Variants in KHDC1 observed in about 807,000 individuals in gnomAD.
The protein encoded by KHDC1 is KH homology domain-containing protein 1.
In KHDC1, 21 loss-of-function variants were observed where a neutral mutation model predicts 24.7. The ratio of observed to expected loss-of-function variants is 0.85; its 90% CI spans 0.60 to 1.23. The LOEUF (loss-of-function observed/expected upper bound fraction) is 1.23, where lower values mean the gene tolerates loss of function less well. KHDC1 is among the 50% of genes most tolerant of loss of function. The probability of loss-of-function intolerance (pLI) is 0.00; values close to 1 mark genes in which losing one functional copy is unlikely to be tolerated. For synonymous variants in KHDC1, 98 were observed against 111.7 expected, an observed-to-expected ratio of 0.88 and a Z score of 0.77; for missense variants, 274 against 298.5, an observed-to-expected ratio of 0.92 and a Z score of 0.61.
At chr6:73,283,345 G>A (rs537515403) in intron 2 of KHDC1, among the ~76,000 whole-genome samples, 17 of 146,718 alleles carry the variant, frequency 1.2e-4, no homozygotes, top group African/African-American at 4.0e-4. Flanking sequence ...TTTTTAAAAA[G>A]AAGCAGCTTG....
At chr6:73,308,910 C>T in intron 1 of KHDC1, among the ~76,000 whole-genome samples, 1 of 152,208 alleles carries the variant, frequency 6.6e-6, no homozygotes, top group East Asian at 1.9e-4. Context: ...CGGCTCACTC[C>T]AACCTCCTTC....
rs573804234 is a variant in KHDC1, at chr6:73,297,570, A to G, written c.164-5530T>C. Among the ~76,000 whole-genome samples the G allele has an allele frequency of 7.9e-5, 12 of 152,270 alleles. No individual in the cohort carries two copies. The East Asian group carries it at 1.7e-3, about 22-fold the overall frequency. On this transcript the variant is annotated intron_variant, in intron 1 of 4. Coordinates refer to ENST00000370384, the Ensembl canonical transcript of KHDC1. ...AGGGGTGTGTACCTTTCCAATTGAT[A>G]AGGTATTGCCAAATGTCTTCCCATT...
At chr6:73,258,763 T>TA (rs1303209476) in intron 2 of KHDC1, among the ~76,000 whole-genome samples, 1 of 152,248 alleles carries the variant, frequency 6.6e-6, no homozygotes, top group African/African-American at 2.4e-5. Flanking sequence ...TCCCTACCTG[T>TA]AAAATGGTAT....
chr6:73,300,907 T>A (rs947766007), intron 1 of KHDC1: 1 of 152,228 alleles, frequency 6.6e-6, no homozygotes, highest in African/African-American at 2.4e-5. Context: ...TCAAACAAAA[T>A]CTTGAGAAGA....
At chr6:73,246,659 CAA>C (rs1220794275) in intron 2 of KHDC1, among the ~76,000 whole-genome samples, 2 of 152,128 alleles carry the variant, frequency 1.3e-5, no homozygotes, top group African/African-American at 4.8e-5. Context: ...ATAAAATAAA[CAA>C]GAAGATTTTT....
At chr6:73,304,178 C>CAA (rs914350705) in intron 1 of KHDC1, among the ~76,000 whole-genome samples, 1 of 140,840 alleles carries the variant, frequency 7.1e-6, no homozygotes, top group African/African-American at 2.6e-5. Flanking sequence ...GACTCCATCT[C>CAA]AAAAAAAAAA....
At chr6:73,241,506 T>G in exon 5 of KHDC1, 1 of 1,609,318 alleles carries the variant, frequency 6.2e-7, no homozygotes, top group Non-Finnish European at 8.5e-7. Flanking sequence ...CATCCCCACT[T>G]CCCAGGGGAG....
chr6:73,245,624 T>C (rs2150551471), intron 2 of KHDC1, among the ~76,000 whole-genome samples: 2 of 152,310 alleles, frequency 1.3e-5, no homozygotes, highest in East Asian at 3.9e-4. Flanking sequence ...CGTTCTCAAA[T>C]TTAGTGTTAG....
intron 2 of KHDC1, among the ~76,000 whole-genome samples, chr6:73,244,704 G>GA (rs1457318391): frequency 7.2e-6 from 1 of 138,020 alleles, no homozygotes; most frequent in Non-Finnish European, 1.6e-5. Flanking sequence ...CGGGGGGGCG[G>GA]GGGGGGGCTC....
chr6:73,290,666 T>C (rs903981763), intron 2 of KHDC1: 16 of 472,620 alleles, frequency 3.4e-5, no homozygotes, highest in African/African-American at 3.0e-4. Context: ...TAGTGGGCTG[T>C]GCTGAAGTTT....
intron 1 of KHDC1, among the ~76,000 whole-genome samples, chr6:73,294,878 G>A (rs141858177): frequency 6.6e-6 from 1 of 152,246 alleles, no homozygotes; most frequent in Non-Finnish European, 1.5e-5. Flanking sequence ...TTAAAAGCAT[G>A]TGGCATGGCT....
At chr6:73,272,550 C>CATAT (rs1047671380) in intron 2 of KHDC1, among the ~76,000 whole-genome samples, 1 of 151,944 alleles carries the variant, frequency 6.6e-6, no homozygotes, top group African/African-American at 2.4e-5. Flanking sequence ...CTGAGGTGGG[C>CATAT]ATATCACTTC....
chr6:73,277,966 T>C (rs1227664311), intron 2 of KHDC1, among the ~76,000 whole-genome samples: 2 of 151,368 alleles, frequency 1.3e-5, no homozygotes, highest in Non-Finnish European at 2.9e-5. Flanking sequence ...TGTCAAACAT[T>C]TGTGTTTCTT....
intron 2 of KHDC1, chr6:73,263,154 C>A: frequency 1.0e-6 from 1 of 987,662 alleles, no homozygotes; most frequent in East Asian, 1.1e-4. Flanking sequence ...TCCAGGGGTC[C>A]CGGCTCGCGC....
At chr6:73,254,660 T>C (rs1272796233) in intron 2 of KHDC1, among the ~76,000 whole-genome samples, 2 of 151,876 alleles carry the variant, frequency 1.3e-5, no homozygotes, top group Admixed American at 6.6e-5. Context: ...GAAAAGAAAT[T>C]GTGTATGTGT....
chr6:73,289,811 A>G (rs1767605431), intron 2 of KHDC1, among the ~76,000 whole-genome samples: 1 of 151,850 alleles, frequency 6.6e-6, no homozygotes, highest in South Asian at 2.1e-4. Context: ...ACAAAAAATT[A>G]GCCAGGCGGC....
intron 1 of KHDC1, chr6:73,300,479 C>T (rs1767853807): frequency 6.6e-6 from 1 of 152,148 alleles, no homozygotes; most frequent in Non-Finnish European, 1.5e-5. Context: ...GTGTTATTCT[C>T]ATTAATCTTG....
At chr6:73,303,338 T>TGAGA (rs146002284) in intron 1 of KHDC1, among the ~76,000 whole-genome samples, 1 of 150,568 alleles carries the variant, frequency 6.6e-6, no homozygotes, top group Non-Finnish European at 1.5e-5. Flanking sequence ...GCAGAAGGAA[T>TGAGA]GAGAGAGAGA....
At chr6:73,250,365 C>T (rs1766757006) in intron 2 of KHDC1, among the ~76,000 whole-genome samples, 1 of 152,202 alleles carries the variant, frequency 6.6e-6, no homozygotes, top group Non-Finnish European at 1.5e-5. Flanking sequence ...AGGCTTCCAG[C>T]AGAGGTTGTC....
Sources: allele counts gnomAD v4.1 joint callset (sites outside exome capture counted in the v4.1 genomes callset), GRCh38; gene constraint gnomAD v4.1.1; transcripts MANE v1.5; gene names NCBI Gene and HGNC (gene_info 2026-07-23, HGNC 2026-07-21).